Variants in ABI3BP observed in about 807,000 individuals in gnomAD.
ABI3BP encodes the protein ABI family member 3 binding protein, also known as target of Nesh-SH3.
ABI3BP carries 216 observed loss-of-function variants against 268.6 expected under a neutral mutation model. That is an observed-to-expected ratio of 0.80 (90% confidence interval 0.72 to 0.90). The LOEUF (loss-of-function observed/expected upper bound fraction) is 0.90, where lower values mean the gene tolerates loss of function less well. Ranked by LOEUF, ABI3BP falls within the 40% of genes least tolerant of loss-of-function variation. ABI3BP has a pLI of 0.00. For missense variants in ABI3BP, 2,090 were observed against 2,182.4 expected (o/e 0.96, Z 0.84); for synonymous variants, 730 against 730.0 (o/e 1.00, Z 0.00).
rs1173539307 is a variant in ABI3BP at position 100,878,044 on chromosome 3, G to A, written c.697-1484C>T. Among the ~76,000 whole-genome samples the A allele has an allele frequency of 3.3e-5, 5 of 151,868 alleles. No individual in the cohort carries two copies. The East Asian group carries it at 9.6e-4, about 29-fold the overall frequency. On this transcript the variant is annotated intron_variant, in intron 6 of 67. Coordinates refer to ENST00000471714, the MANE Select transcript of ABI3BP (RefSeq NM_001375547.2). ...TATTATCAGATTATTTTTTTAAAGGGGTGCCTGCATGCGTTGACTCAATGA... is the reference window on the plus strand; with the variant it reads ...TATTATCAGATTATTTTTTTAAAGGAGTGCCTGCATGCGTTGACTCAATGA...
At chr3:100,833,645 A>G (rs1465876805) in intron 29 of ABI3BP, among the ~76,000 whole-genome samples, 3 of 152,224 alleles carry the variant, frequency 2.0e-5, no homozygotes, top group African/African-American at 4.8e-5. Context: ...AAATAAAGGC[A>G]TACAAAGAAC....
At chr3:100,867,753 G>C (rs1475684749) in intron 9 of ABI3BP, among the ~76,000 whole-genome samples, 1 of 150,916 alleles carries the variant, frequency 6.6e-6, no homozygotes, top group African/African-American at 2.4e-5. Context: ...AGGAAACTAA[G>C]CTATTTGAAA....
chr3:100,961,647 G>A (rs1014578975), intron 1 of ABI3BP, among the ~76,000 whole-genome samples: 2 of 152,152 alleles, frequency 1.3e-5, no homozygotes, highest in Non-Finnish European at 2.9e-5. Flanking sequence ...GATTCCATGT[G>A]TTATAAAAAT....
rs553712429 is a variant in ABI3BP, at chr3:100,882,362, C to T, written c.696+3174G>A. 2.3e-4 allele frequency among the ~76,000 whole-genome samples: 35 copies of T among 151,722 alleles called. No individual in the cohort carries two copies. In the South Asian group the frequency reaches 6.2e-3, roughly 27 times the overall value. ...ATTGTATGTGGTCACATAACATGGT[C>T]AAAGTTATCCCATGCAGTTCTGTTA... On this transcript the variant is annotated intron_variant, in intron 6 of 67. Coordinates refer to ENST00000471714, the MANE Select transcript of ABI3BP (RefSeq NM_001375547.2).
At chr3:100,806,245 G>T (rs2097702781) in intron 50 of ABI3BP, among the ~76,000 whole-genome samples, 1 of 152,016 alleles carries the variant, frequency 6.6e-6, no homozygotes, top group Non-Finnish European at 1.5e-5. Flanking sequence ...AACAAAATTT[G>T]TTGCGCTTTA....
intron 9 of ABI3BP, among the ~76,000 whole-genome samples, chr3:100,870,376 G>C (rs1203337032): frequency 6.6e-6 from 1 of 151,862 alleles, no homozygotes; most frequent in Non-Finnish European, 1.5e-5. Context: ...TAAAACATGG[G>C]CAAAGGACCT....
At chr3:100,862,541 T>C (rs1361224002) in intron 13 of ABI3BP, 156 bp from the exon 14 acceptor site, 20 of 608,564 alleles carry the variant, frequency 3.3e-5, no homozygotes, top group South Asian at 2.4e-4. Flanking sequence ...GAAATCAGTA[T>C]GTATCCATCC....
intron 36 of ABI3BP, 126 bp from the exon 37 acceptor site, chr3:100,823,640 A>C: frequency 1.4e-6 from 1 of 700,904 alleles, no homozygotes; most frequent in Non-Finnish European, 2.3e-6. Context: ...TTAACTTCTT[A>C]ACTGAAGGAA....
chr3:100,754,077 G>C (rs1467465258), intron 64 of ABI3BP, among the ~76,000 whole-genome samples: 1 of 152,198 alleles, frequency 6.6e-6, no homozygotes, highest in Non-Finnish European at 1.5e-5. Context: ...TGTAATTTGA[G>C]TACTTAGGAA....
intron 4 of ABI3BP, among the ~76,000 whole-genome samples, chr3:100,897,383 A>C (rs890093372): frequency 6.6e-6 from 1 of 151,844 alleles, no homozygotes; most frequent in Admixed American, 6.6e-5. Context: ...ATGTTTATAC[A>C]GTCTGTATTC....
intron 45 of ABI3BP, among the ~76,000 whole-genome samples, chr3:100,812,794 C>A (rs2097895919): frequency 1.3e-5 from 2 of 152,070 alleles, no homozygotes. Flanking sequence ...AAATTACAGT[C>A]CTACGGAAGA....
chr3:100,942,120 T>C (rs900328781), intron 1 of ABI3BP, among the ~76,000 whole-genome samples: 3 of 152,152 alleles, frequency 2.0e-5, no homozygotes, highest in Non-Finnish European at 4.4e-5. Context: ...TTTCATTAAC[T>C]ACTGGGTAGT....
chr3:100,818,418 T>C (rs2098118951), intron 41 of ABI3BP, 107 bp downstream of exon 41: 3 of 960,690 alleles, frequency 3.1e-6, no homozygotes, highest in African/African-American at 1.6e-5. Flanking sequence ...TATAATGGAA[T>C]GATGACAAAG....
chr3:100,759,911 T>C (rs1414145838), intron 63 of ABI3BP, among the ~76,000 whole-genome samples: 1 of 152,172 alleles, frequency 6.6e-6, no homozygotes, highest in Non-Finnish European at 1.5e-5. Context: ...TGTTGAGAAG[T>C]TAATACAGAA....
intron 12 of ABI3BP, chr3:100,863,683 T>C (rs888033959): frequency 4.3e-6 from 1 of 235,090 alleles, no homozygotes; most frequent in Non-Finnish European, 8.3e-6. Flanking sequence ...AGAAATATCA[T>C]AAATATATCT....
chr3:100,762,430 C>A (rs1483325644), intron 63 of ABI3BP, among the ~76,000 whole-genome samples: 4 of 152,060 alleles, frequency 2.6e-5, no homozygotes, highest in Non-Finnish European at 2.9e-5. Context: ...GTTGGCTTAC[C>A]CCTTCCATCC....
chr3:100,894,938 C>CAAAAAAAAAAAAATAAAAAA (rs2046650488), intron 4 of ABI3BP, among the ~76,000 whole-genome samples: 1 of 37,732 alleles, frequency 2.7e-5, no homozygotes, highest in Non-Finnish European at 4.5e-5. Context: ...GATTCCGCTT[C>CAAAAAAAAAAAAATAAAAAA]AAAAAAAAAA....
intron 1 of ABI3BP, among the ~76,000 whole-genome samples, chr3:100,979,156 C>T (rs1264831447): frequency 2.0e-5 from 3 of 152,218 alleles, no homozygotes; most frequent in Non-Finnish European, 1.5e-5. Context: ...GATGATGATG[C>T]TTGCTAAGCT....
At chr3:100,820,955 T>C (rs900776784) in intron 39 of ABI3BP, 99 bp downstream of exon 39, 5 of 951,626 alleles carry the variant, frequency 5.3e-6, no homozygotes, top group Admixed American at 4.1e-5. Context: ...AGAATGATGA[T>C]GTAGTCTTGA....
Sources: allele counts gnomAD v4.1 joint callset (sites outside exome capture counted in the v4.1 genomes callset), GRCh38; gene constraint gnomAD v4.1.1; transcripts MANE v1.5; gene names NCBI Gene and HGNC (gene_info 2026-07-23, HGNC 2026-07-21).